Variants in JAZF1 observed in about 807,000 individuals in gnomAD.
JAZF1 encodes JAZF zinc finger 1.
In JAZF1, 8 loss-of-function variants were observed where a neutral mutation model predicts 26.4. The observed-to-expected ratio is 0.30, with a 90% CI of 0.18 to 0.55. JAZF1 has a LOEUF of 0.55. Ranked by LOEUF, JAZF1 falls within the 20% of genes least tolerant of loss-of-function variation. The pLI, the probability that JAZF1 is intolerant of heterozygous loss-of-function variation, is 0.94. For synonymous variants in JAZF1, 126 were observed against 122.3 expected (o/e 1.03, Z -0.20); for missense variants, 199 against 322.0 (o/e 0.62, Z 2.92).
intron 1 of JAZF1, among the ~76,000 whole-genome samples, chr7:28,003,130 C>A (rs116923356): frequency 0.02 from 3,113 of 152,006 alleles, 45 homozygotes; most frequent in Non-Finnish European, 0.029. Context: ...GACTGAAATA[C>A]AAAACAACCG....
chr7:28,020,649 G>A (rs1227824439), intron 1 of JAZF1: 2 of 471,216 alleles, frequency 4.2e-6, no homozygotes, highest in Non-Finnish European at 8.8e-6. Context: ...TCAACCCCAA[G>A]CTCCCTGTTC....
At chr7:28,086,251 G>T (rs187615351) in intron 1 of JAZF1, among the ~76,000 whole-genome samples, 7 of 152,328 alleles carry the variant, frequency 4.6e-5, no homozygotes, top group Admixed American at 4.6e-4. Context: ...TGCCTCCCCA[G>T]TAATGACTAG....
intron 1 of JAZF1, among the ~76,000 whole-genome samples, chr7:28,029,638 AT>A (rs1256393426): frequency 6.6e-6 from 1 of 152,248 alleles, no homozygotes; most frequent in Non-Finnish European, 1.5e-5. Context: ...TAAAATGGGA[AT>A]CATTTTAAGT....
chr7:27,891,889 C>A (rs528426320), intron 3 of JAZF1, among the ~76,000 whole-genome samples: 1 of 152,222 alleles, frequency 6.6e-6, no homozygotes, highest in Non-Finnish European at 1.5e-5. Context: ...TCCAACTATA[C>A]CTAAGAAATA....
At chr7:27,951,292 ATGG>A (rs1785004681) in intron 2 of JAZF1, among the ~76,000 whole-genome samples, 1 of 152,154 alleles carries the variant, frequency 6.6e-6, no homozygotes, top group African/African-American at 2.4e-5. Context: ...TAGATGTGTA[ATGG>A]TCTTTACCCT....
At chr7:28,032,679 C>G (rs1005162266) in intron 1 of JAZF1, among the ~76,000 whole-genome samples, 4 of 152,128 alleles carry the variant, frequency 2.6e-5, no homozygotes, top group Non-Finnish European at 5.9e-5. Flanking sequence ...CTGAAGCAAC[C>G]TAACTGTGCT....
At chr7:27,912,147 A>G (rs1784368646) in intron 2 of JAZF1, among the ~76,000 whole-genome samples, 1 of 152,192 alleles carries the variant, frequency 6.6e-6, no homozygotes, top group Admixed American at 6.5e-5. Flanking sequence ...CAATCTGTTC[A>G]CAAACCCTCC....
At chr7:28,016,363 G>C (rs1782893745) in intron 1 of JAZF1, among the ~76,000 whole-genome samples, 1 of 152,222 alleles carries the variant, frequency 6.6e-6, no homozygotes, top group Non-Finnish European at 1.5e-5. Context: ...TAAGAGGCCT[G>C]AACAACCCAT....
At chr7:27,923,334 T>C (rs930198456) in intron 2 of JAZF1, among the ~76,000 whole-genome samples, 1 of 152,228 alleles carries the variant, frequency 6.6e-6, no homozygotes, top group African/African-American at 2.4e-5. Flanking sequence ...TCCAGATTTG[T>C]TGAATTCAGA....
chr7:27,974,460 AC>A (rs1785433707), intron 2 of JAZF1, among the ~76,000 whole-genome samples: 1 of 152,232 alleles, frequency 6.6e-6, no homozygotes, highest in African/African-American at 2.4e-5. Context: ...GAACTTGAGT[AC>A]AGTGCGAAAC....
At chr7:27,873,681 T>C (rs1463023698) in intron 3 of JAZF1, among the ~76,000 whole-genome samples, 1 of 152,212 alleles carries the variant, frequency 6.6e-6, no homozygotes, top group African/African-American at 2.4e-5. Context: ...GGCACTGAGG[T>C]TGAGTCTCCT....
At chr7:27,847,151 CTTTTTTTTT>C (rs80005826) in intron 3 of JAZF1, among the ~76,000 whole-genome samples, 5 of 136,372 alleles carry the variant, frequency 3.7e-5, no homozygotes, top group African/African-American at 1.3e-4. Context: ...GGCTTTTTTT[CTTTTTTTTT>C]TTTTTTTTTA....
intron 1 of JAZF1, among the ~76,000 whole-genome samples, chr7:28,171,604 C>T (rs1365427405): frequency 6.6e-6 from 1 of 152,090 alleles, no homozygotes; most frequent in African/African-American, 2.4e-5. Context: ...GAGGGGAAGA[C>T]CCATTAAAAT....
intron 2 of JAZF1, among the ~76,000 whole-genome samples, chr7:27,933,527 G>A (rs902386055): frequency 2.0e-5 from 3 of 152,186 alleles, no homozygotes; most frequent in Non-Finnish European, 2.9e-5. Context: ...AACAAAACAG[G>A]TTGTTTGGCT....
intron 2 of JAZF1, among the ~76,000 whole-genome samples, chr7:27,899,044 C>T (rs919510237): frequency 6.6e-6 from 1 of 152,220 alleles, no homozygotes; most frequent in African/African-American, 2.4e-5. Flanking sequence ...GTCTCCCCTG[C>T]ACTAGCATGC....
chr7:27,841,095 T>G, intron 3 of JAZF1: 2 of 465,226 alleles, frequency 4.3e-6, no homozygotes, highest in Non-Finnish European at 7.6e-6. Context: ...TTCCCAACAA[T>G]TCACAGCTAG....
chr7:27,913,745 CCTT>C (rs79603145), intron 2 of JAZF1, among the ~76,000 whole-genome samples: 29,596 of 152,054 alleles, frequency 0.19, 3,291 homozygotes, highest in East Asian at 0.45. Flanking sequence ...TTCTGACCTA[CCTT>C]CTTCTTACTA....
At chr7:28,151,102 TATA>T (rs1783105330) in intron 1 of JAZF1, among the ~76,000 whole-genome samples, 1 of 88,948 alleles carries the variant, frequency 1.1e-5, no homozygotes, top group African/African-American at 4.8e-5. Context: ...TCGATATATA[TATA>T]TATATATTTT....
At chr7:27,907,340 G>T (rs921510002) in intron 2 of JAZF1, among the ~76,000 whole-genome samples, 1 of 152,196 alleles carries the variant, frequency 6.6e-6, no homozygotes, top group Admixed American at 6.5e-5. Context: ...CAGAGTTGTG[G>T]TATTTCCATG....
Sources: allele counts gnomAD v4.1 joint callset (sites outside exome capture counted in the v4.1 genomes callset), GRCh38; gene constraint gnomAD v4.1.1; transcripts MANE v1.5; gene names NCBI Gene and HGNC (gene_info 2026-07-23, HGNC 2026-07-21).